The following CA5A variants were observed in gnomAD, a reference collection of about 807,000 sequenced individuals.
The protein encoded by CA5A is carbonic anhydrase 5A, also known as carbonic anhydrase 5A, mitochondrial.
In CA5A, 28 loss-of-function variants were observed where a neutral mutation model predicts 37.1. The ratio of observed to expected loss-of-function variants is 0.75; its 90% confidence interval spans 0.56 to 1.03. CA5A has a LOEUF of 1.03. Among genes scored for constraint, CA5A ranks in the 50% least tolerant of loss-of-function variants. The pLI is 0.00. For missense variants in CA5A, 444 were observed against 399.9 expected (o/e 1.11, Z -0.94); for synonymous variants, 171 against 158.4 (o/e 1.08, Z -0.60).
intron 2 of CA5A, among the ~76,000 whole-genome samples, chr16:87,917,751 A>T (rs959103607): frequency 1.0e-5 from 1 of 99,436 alleles, no homozygotes; most frequent in African/African-American, 7.7e-5. Flanking sequence ...ACATGCACAC[A>T]TGTATACACA....
intron 5 of CA5A, among the ~76,000 whole-genome samples, chr16:87,894,982 G>A (rs2055781384): frequency 6.6e-6 from 1 of 152,188 alleles, no homozygotes; most frequent in Non-Finnish European, 1.5e-5. Flanking sequence ...GGGCGCAATG[G>A]ATCATGTCTG....
At chr16:87,923,313 C>A (rs1172958772) in intron 2 of CA5A, among the ~76,000 whole-genome samples, 1 of 152,162 alleles carries the variant, frequency 6.6e-6, no homozygotes, top group African/African-American at 2.4e-5. Context: ...CTCAGTCCCC[C>A]GAGGAACTGG....
intron 2 of CA5A, among the ~76,000 whole-genome samples, chr16:87,906,905 C>T (rs1007425256): frequency 6.6e-6 from 1 of 152,106 alleles, no homozygotes; most frequent in Non-Finnish European, 1.5e-5. Context: ...AGAGTCCTTC[C>T]CACAATAAGC....
chr16:87,936,504 C>G lies in CA5A; in HGVS notation c.-54G>C. On this transcript the variant is annotated 5_prime_UTR_variant, in exon 1 of 7. Coordinates refer to ENST00000649794, the MANE Select transcript of CA5A (RefSeq NM_001739.2). ...TGAAGAGGGTGATGTTCCCTGCTGT[C>G]TGTTCTCACTTTGATCAGGACCACT... is the stretch of plus-strand genomic sequence containing the variant. The G allele has an allele frequency of 6.2e-7, 1 of 1,605,004 alleles. No individual in the cohort carries two copies. The highest frequency in any genetic ancestry group is 8.5e-7 in the Non-Finnish European group (1 of 1,176,020).
intron 2 of CA5A, among the ~76,000 whole-genome samples, chr16:87,917,752 T>C (rs1244474522): frequency 1.0e-5 from 1 of 98,000 alleles, no homozygotes; most frequent in Non-Finnish European, 1.8e-5. Context: ...CATGCACACA[T>C]GTATACACAG....
At chr16:87,933,271 T>C (rs1186346836) in intron 1 of CA5A, among the ~76,000 whole-genome samples, 2 of 152,268 alleles carry the variant, frequency 1.3e-5, no homozygotes, top group African/African-American at 4.8e-5. Context: ...ACTTTCACCA[T>C]GGCCAATTTT....
Position 87,918,572 on chromosome 16 carries a change from C to T in CA5A, c.340+8176G>A, listed in dbSNP as rs1456387313. Among the ~76,000 whole-genome samples the T allele has an allele frequency of 2.0e-5, 3 of 152,218 alleles. No individual in the cohort carries two copies. The South Asian group carries it at 6.2e-4, about 31-fold the overall frequency. The stretch of plus-strand genomic sequence containing the variant: ...TCCACGCCGACGGAAATTTCCTTGG[C>T]CTGTCCGTTTGTTTCGCTTTGTTTC... On this transcript the variant is annotated intron_variant, in intron 2 of 6. Transcript: ENST00000649794.
In CA5A at chr16:87,932,195, C is replaced by T. The variant is rs77298426; in HGVS notation, c.142+4114G>A. 4.6e-5 allele frequency among the ~76,000 whole-genome samples: 7 copies of T among 152,250 alleles called. No individual in the cohort carries two copies. The South Asian group carries it at 8.3e-4, about 18-fold the overall frequency. On this transcript the variant is annotated intron_variant, in intron 1 of 6. Coordinates refer to ENST00000649794, the MANE Select transcript of CA5A (RefSeq NM_001739.2). The stretch of plus-strand genomic sequence containing the variant: ...GCAGGATTGAGTGCACTCTACCCCC[C>T]CTCCCACGGCCGCTGCCTCCAGTCC...
chr16:87,919,936 C>T (rs1328268993), intron 2 of CA5A, among the ~76,000 whole-genome samples: 1 of 152,180 alleles, frequency 6.6e-6, no homozygotes, highest in Non-Finnish European at 1.5e-5. Context: ...TGGAAAGTGG[C>T]GAACACCACA....
chr16:87,909,506 C>A (rs1441046888), intron 2 of CA5A, among the ~76,000 whole-genome samples: 2 of 152,196 alleles, frequency 1.3e-5, no homozygotes, highest in Admixed American at 1.3e-4. Flanking sequence ...GGTGCAGGGG[C>A]CGATGGATCA....
At chr16:87,933,978 A>G (rs975700884) in intron 1 of CA5A, among the ~76,000 whole-genome samples, 5 of 152,250 alleles carry the variant, frequency 3.3e-5, no homozygotes, top group African/African-American at 1.2e-4. Context: ...GTGCCGATAC[A>G]GAATATGACT....
Position 87,936,347 on chromosome 16 carries a change from G to C in CA5A, c.104C>G (p.Ser35Cys). 6.2e-7 allele frequency: 1 copy of C among 1,614,018 alleles called. No individual in the cohort carries two copies. The highest frequency in any genetic ancestry group is 8.5e-7 in the Non-Finnish European group (1 of 1,179,936). ...GGTTTGCCATGCACAGGAACGCTGA[G>C]AACACCATCGCCCTGGCCTCATCGA... ...SRSMRPGRWC[S>C]QRSCAWQTSN... Residue 35 changes from serine to cysteine, a missense_variant, in exon 1 of 7, where the codon TCT (serine) becomes TGT (cysteine). By Grantham distance (112) the Ser-to-Cys change is moderately radical. Transcript: ENST00000649794.
intron 5 of CA5A, chr16:87,893,156 T>C: frequency 2.2e-6 from 1 of 454,120 alleles, no homozygotes; most frequent in African/African-American, 2.1e-5. Flanking sequence ...CTTTTTTTTT[T>C]CAGACAGAGT....
intron 2 of CA5A, among the ~76,000 whole-genome samples, chr16:87,919,469 G>A (rs1468722197): frequency 6.6e-6 from 1 of 152,214 alleles, no homozygotes; most frequent in Admixed American, 6.5e-5. Context: ...TCCACTGGAA[G>A]CCAAGCCACA....
chr16:87,905,564 A>G (rs6540105), intron 2 of CA5A, among the ~76,000 whole-genome samples: 21,508 of 151,930 alleles, frequency 0.14, 2,286 homozygotes, highest in African/African-American at 0.3. Flanking sequence ...TCACCATGTT[A>G]GCCAGGCTGG....
chr16:87,893,006 G>A lies in CA5A; in HGVS notation c.619-1052C>T, dbSNP rs2055746211. Reference sequence around the variant, plus strand: ...CCAAGAAGGATGTCCACATGCCTAAGCACCCGGAGATGGCAGACAAGAATG... The same window carrying A: ...CCAAGAAGGATGTCCACATGCCTAAACACCCGGAGATGGCAGACAAGAATG... On this transcript the variant is annotated intron_variant, in intron 5 of 6. Transcript: ENST00000649794. The A allele has an allele frequency of 4.8e-6, 6 of 1,242,044 alleles. No individual in the cohort carries two copies. The African/African-American group carries it at 6.1e-5, about 13-fold the overall frequency. 76.9% of individuals were successfully genotyped at this position (1,242,044 alleles called of 1,614,324 possible).
At chr16:87,917,418 A>C (rs2056161771) in intron 2 of CA5A, among the ~76,000 whole-genome samples, 1 of 152,206 alleles carries the variant, frequency 6.6e-6, no homozygotes, top group African/African-American at 2.4e-5. Flanking sequence ...TAAACTTTGG[A>C]AGCTGTTTGG....
chr16:87,911,588 C>G lies in CA5A; in HGVS notation c.341-6684G>C, dbSNP rs1312492152. On this transcript the variant is annotated intron_variant, in intron 2 of 6. Transcript: ENST00000649794. The surrounding 1 kb of genome is among the most constrained non-coding windows in gnomAD (Gnocchi z 4.6). ...CGGTGCCACTCTGGGAGGTAGTGCA[C>G]GTTCCCAAGCTGTAAAGGGTGACAC... 6.6e-6 allele frequency among the ~76,000 whole-genome samples: 1 copy of G among 150,840 alleles called. No homozygotes were observed. The highest frequency in any genetic ancestry group is 2.4e-5 in the African/African-American group (1 of 41,228).
intron 1 of CA5A, among the ~76,000 whole-genome samples, chr16:87,931,172 C>A (rs901049305): frequency 6.7e-6 from 1 of 148,196 alleles, no homozygotes; most frequent in Non-Finnish European, 1.5e-5. Flanking sequence ...AGTGCAGTGG[C>A]GTAATCTCAG....
Sources: allele counts gnomAD v4.1 joint callset (sites outside exome capture counted in the v4.1 genomes callset), GRCh38; gene constraint gnomAD v4.1.1; non-coding constraint Gnocchi (gnomAD v3.1); transcripts MANE v1.5; gene names NCBI Gene and HGNC (gene_info 2026-07-23, HGNC 2026-07-21).